KIF15: variants seen among roughly 807,000 people sequenced by gnomAD.
KIF15 encodes kinesin family member 15.
Under a neutral mutation model 190.6 loss-of-function variants are expected in KIF15, and 140 were observed. The ratio of observed to expected loss-of-function variants is 0.73; its 90% CI spans 0.64 to 0.84. The LOEUF (loss-of-function observed/expected upper bound fraction) is 0.84. KIF15 is among the 40% of genes least tolerant of loss of function. The probability of loss-of-function intolerance (pLI) is 0.00; values close to 1 mark genes in which losing one functional copy is unlikely to be tolerated. For missense variants in KIF15, 1,372 were observed against 1,584.4 expected (o/e 0.87, Z 2.28); for synonymous variants, 528 against 551.3 (o/e 0.96, Z 0.59).
At position 44,861,938 on chromosome 3, in the gene KIF15, C is replaced by A. The variant is rs559908499; in HGVS notation, c.*59+9144C>A. 2.1e-6 allele frequency: 3 copies of A among 1,421,372 alleles called. No individual in the cohort carries two copies. In the South Asian group the frequency reaches 4.4e-5, roughly 21 times the overall value. The allele number at this position is 1,421,372 out of a possible 1,614,324, so 88.0% of individuals were successfully genotyped here. ...TCAGCAGGCAACATGGCCGAGAGGC[C>A]GGGGCCTCCGGGCGGCGCCGTGTCC... On this transcript the variant is annotated intron_variant and NMD_transcript_variant, in intron 6 of 6. Transcript: ENST00000422209.
chr3:44,862,311 C>CA (rs1559602025), intron 6 of KIF15: 1 of 195,168 alleles, frequency 5.1e-6, no homozygotes, highest in Non-Finnish European at 9.4e-6. Flanking sequence ...GCTGGGGTGG[C>CA]AGAGAGTGTT....
At chr3:44,798,961 G>A (rs1707127227) in intron 10 of KIF15, among the ~76,000 whole-genome samples, 1 of 152,202 alleles carries the variant, frequency 6.6e-6, no homozygotes, top group Admixed American at 6.5e-5. Context: ...TGTAAATCAG[G>A]AGGTCCATGT....
In KIF15 at chr3:44,829,459, AAT is replaced by A. The variant is rs562801636; in HGVS notation, c.2944-505_2944-504del. 9.9e-3 allele frequency among the ~76,000 whole-genome samples: 1,328 copies of A among 134,604 alleles called. 18 individuals are homozygous for A. The highest frequency in any genetic ancestry group is 0.029 in the Middle Eastern group (8 of 274). The allele number at this position is 134,604 out of a possible 152,430, so 88.3% of individuals were successfully genotyped here. A position where few individuals can be genotyped will look rare whatever the true frequency, so the allele number is the denominator to read the frequency against. On this transcript the variant is annotated intron_variant, in intron 24 of 34. Coordinates refer to ENST00000326047, the MANE Select transcript of KIF15 (RefSeq NM_020242.3). Reference sequence around the variant, plus strand: ...ATGTATATATTATATACGCATATATAATATATATGTATATAATATGTGTATAT... The same window carrying A: ...ATGTATATATTATATACGCATATATAATATATGTATATAATATGTGTATAT...
rs754688508 is a variant in KIF15 at position 44,801,792 on chromosome 3, G to T, written c.1327G>T (p.Glu443Ter). 82 of 1,592,600 alleles carry T rather than the reference G, an allele frequency of 5.1e-5. No homozygotes were observed. The highest frequency in any genetic ancestry group is 6.4e-5 in the Non-Finnish European group (74 of 1,163,734). Residue 443 changes from glutamate (E) to a stop codon, truncating the protein, a stop_gained, in exon 13 of 35, where the codon GAA (glutamate) becomes TAA (stop). Coordinates refer to ENST00000326047, the MANE Select transcript of KIF15 (RefSeq NM_020242.3). LOFTEE classifies it high-confidence loss of function. The stretch of plus-strand genomic sequence containing the variant: ...TCTGATAGAAAAAGTTACCCAATTA[G>T]AAGACCTCACCCTCAAAAAGGAAAA... Reference protein sequence around the residue: ...KSLIEKVTQLEDLTLKKEKFI... With the variant: ...KSLIEKVTQL
At chr3:44,772,426 T>C (rs1486319172) in intron 1 of KIF15, among the ~76,000 whole-genome samples, 2 of 152,158 alleles carry the variant, frequency 1.3e-5, no homozygotes, top group South Asian at 2.1e-4. Context: ...GGGCCCCTCA[T>C]GCATGCATTA....
At chr3:44,806,056 T>C in intron 16 of KIF15, 70 bp downstream of exon 16, 1 of 1,510,474 alleles carries the variant, frequency 6.6e-7, no homozygotes, top group East Asian at 2.3e-5. Context: ...GGAGAGAGTC[T>C]GCATGGTCTA....
chr3:44,829,696 A>ATATATTATG (rs1559575580), intron 24 of KIF15, among the ~76,000 whole-genome samples: 2 of 131,512 alleles, frequency 1.5e-5, no homozygotes, highest in African/African-American at 6.0e-5. Flanking sequence ...TTATAGATGT[A>ATATATTATG]TATATATTAT....
At chr3:44,834,308 TACTA>T (rs370745106) in intron 26 of KIF15, among the ~76,000 whole-genome samples, 130 of 152,298 alleles carry the variant, frequency 8.5e-4, no homozygotes, top group African/African-American at 3.0e-3. Context: ...AAAATGGAAA[TACTA>T]AGTGGGATAC....
intron 6 of KIF15, among the ~76,000 whole-genome samples, chr3:44,860,528 C>G (rs1699230282): frequency 6.6e-6 from 1 of 152,282 alleles, no homozygotes; most frequent in East Asian, 1.9e-4. Context: ...CGCCACCACA[C>G]CCAGCTAATT....
At chr3:44,853,313 C>T (rs983824376), downstream of KIF15, 22 of 152,154 alleles carry the variant, frequency 1.4e-4, no homozygotes, top group African/African-American at 5.3e-4. Context: ...TTAATGAACA[C>T]CTGCAATATG....
At chr3:44,769,162 G>A (rs1334033928) in intron 1 of KIF15, among the ~76,000 whole-genome samples, 3 of 152,100 alleles carry the variant, frequency 2.0e-5, no homozygotes, top group African/African-American at 7.2e-5. Context: ...GTAGTAAGGA[G>A]ACACAATTAC....
At chr3:44,828,951 T>C (rs920404019) in intron 24 of KIF15, among the ~76,000 whole-genome samples, 7 of 149,410 alleles carry the variant, frequency 4.7e-5, no homozygotes, top group Non-Finnish European at 1.0e-4. Flanking sequence ...GCAGGAGAAT[T>C]GCTTGAACCT....
At position 44,812,295 on chromosome 3, in the gene KIF15, A is replaced by G; in HGVS notation, c.2277+6A>G. The G allele has an allele frequency of 1.3e-6, 2 of 1,596,220 alleles. No homozygotes were observed. Among genetic ancestry groups the G allele is most frequent in the Non-Finnish European group, 1.7e-6 (2 of 1,164,360 alleles). ...ATTCTACCCAAATGCAGGAGGTGAG[A>G]CCAAGAGCACAGCCTCAGAAAATGT... On this transcript the variant is annotated splice_donor_region_variant and intron_variant, in intron 18 of 34. Coordinates refer to ENST00000326047, the MANE Select transcript of KIF15 (RefSeq NM_020242.3).
intron 1 of KIF15, among the ~76,000 whole-genome samples, chr3:44,767,735 A>T (rs760353901): frequency 1.3e-5 from 2 of 151,552 alleles, no homozygotes; most frequent in Non-Finnish European, 2.9e-5. Flanking sequence ...CTCCACTAAA[A>T]ATACAAAAAA....
intron 16 of KIF15, among the ~76,000 whole-genome samples, chr3:44,807,925 T>G (rs943725312): frequency 6.6e-6 from 1 of 152,028 alleles, no homozygotes; most frequent in Non-Finnish European, 1.5e-5. Context: ...TGATTTATTT[T>G]ATTTATTTAT....
At chr3:44,832,120 A>G (rs140935759) in intron 26 of KIF15, among the ~76,000 whole-genome samples, 1 of 152,244 alleles carries the variant, frequency 6.6e-6, no homozygotes, top group East Asian at 1.9e-4. Context: ...TAATTCTGCC[A>G]GGGGAAATTC....
At chr3:44,807,609 G>A (rs1707574281) in intron 16 of KIF15, among the ~76,000 whole-genome samples, 1 of 152,170 alleles carries the variant, frequency 6.6e-6, no homozygotes, top group African/African-American at 2.4e-5. Context: ...GAGGCAATCA[G>A]TGTCACCAAG....
intron 1 of KIF15, among the ~76,000 whole-genome samples, chr3:44,772,074 C>T (rs1705664117): frequency 6.6e-6 from 1 of 152,036 alleles, no homozygotes; most frequent in South Asian, 2.1e-4. Flanking sequence ...TCCTTTAGGC[C>T]AATTAATTAG....
At chr3:44,800,894 A>G (rs188891019) in intron 11 of KIF15, among the ~76,000 whole-genome samples, 49 of 152,236 alleles carry the variant, frequency 3.2e-4, no homozygotes, top group Admixed American at 1.8e-3. Context: ...CTTCTGTTAC[A>G]CCATGTGTAA....
Sources: gnomAD v4.1 joint callset for allele counts (sites outside exome capture counted in the v4.1 genomes callset) on GRCh38, gnomAD v4.1.1 for gene constraint, MANE v1.5 for transcripts, NCBI Gene and HGNC (gene_info 2026-07-23, HGNC 2026-07-21) for gene names.